The following MYADM variants were observed in gnomAD, a reference collection of about 807,000 sequenced individuals.
MYADM encodes myeloid-associated differentiation marker.
For synonymous variants in MYADM, 224 were observed against 210.2 expected (o/e 1.07, Z -0.57); for missense variants, 416 against 443.4 (o/e 0.94, Z 0.56).
At position 53,874,526 on chromosome 19, in the gene MYADM, C is replaced by G. The variant is rs2068482007; in HGVS notation, c.*28C>G. On this transcript the variant is annotated 3_prime_UTR_variant, in exon 3 of 3. Transcript: ENST00000391770. ...CTCTCCCAAGAGGCTCCCGTTCCCT[C>G]TCCAACCTCTTTGTTCTTCTTGCCC... The G allele has an allele frequency of 6.5e-7, 1 of 1,543,838 alleles. No homozygotes were observed. Among genetic ancestry groups the G allele is most frequent in the Non-Finnish European group, 8.7e-7 (1 of 1,146,660 alleles).
rs116435359 is a variant in MYADM at position 53,870,956 on chromosome 19, C to T, written c.-3+1118C>T. 3.6e-3 allele frequency among the ~76,000 whole-genome samples: 554 copies of T among 152,238 alleles called. 3 individuals are homozygous for T. The highest frequency in any genetic ancestry group is 0.013 in the African/African-American group (527 of 41,544). On this transcript the variant is annotated intron_variant, in intron 2 of 2. Transcript: ENST00000391770. ...TTATAACAGGACGGTGATGGCCAGGCGCAGTGGCTCATGCCTGTAATCCCA... is the reference window on the plus strand; with the variant it reads ...TTATAACAGGACGGTGATGGCCAGGTGCAGTGGCTCATGCCTGTAATCCCA...
chr19:53,866,641 T>G (rs532222054), upstream of MYADM, among the ~76,000 whole-genome samples: 6 of 152,016 alleles, frequency 3.9e-5, no homozygotes, highest in Non-Finnish European at 7.4e-5. This position sits in a 1 kb window ranked among gnomAD's most constrained non-coding sequence, Gnocchi z 4.3. Flanking sequence ...TCTTGCAGGA[T>G]CCGTGAATCC....
Position 53,874,130 on chromosome 19 carries a change from C to T in MYADM, c.601C>T (p.Pro201Ser), listed in dbSNP as rs1367898622. 6.8e-6 allele frequency: 11 copies of T among 1,613,390 alleles called. No homozygotes were observed. Among genetic ancestry groups the T allele is most frequent in the Non-Finnish European group, 9.3e-6 (11 of 1,180,036 alleles). The change falls in exon 3 of 3, where the codon CCG (proline) becomes TCG (serine). Residue 201 changes from proline to serine, a missense_variant. Coordinates refer to ENST00000391770, the MANE Select transcript of MYADM (RefSeq NM_138373.5). ...ISDPNLYQHQ[P>S]ALEWCVAVYA... ...CGACCCCAACCTGTACCAGCACCAGCCGGCCCTGGAGTGGTGCGTGGCGGT... is the reference window on the plus strand; with the variant it reads ...CGACCCCAACCTGTACCAGCACCAGTCGGCCCTGGAGTGGTGCGTGGCGGT...
upstream of MYADM, among the ~76,000 whole-genome samples, chr19:53,867,524 G>A (rs2068262949): frequency 6.6e-6 from 1 of 152,156 alleles, no homozygotes; most frequent in Non-Finnish European, 1.5e-5. Flanking sequence ...CCCTAAACAT[G>A]CGGGGTTTCT....
Position 53,874,751 on chromosome 19 carries a change from G to T in MYADM, c.*253G>T. On this transcript the variant is annotated 3_prime_UTR_variant, in exon 3 of 3. Coordinates refer to ENST00000391770, the MANE Select transcript of MYADM (RefSeq NM_138373.5). ...GCCCACATCCTGTTTTCACCCCTGA[G>T]CTGTTTCTCTTTTTCTTTTCTTTTT... 2.7e-6 allele frequency: 1 copy of T among 366,274 alleles called. No homozygotes were observed. 22.7% of individuals were successfully genotyped at this position (366,274 alleles called of 1,614,324 possible).
Position 53,874,537 on chromosome 19 carries a change from T to G in MYADM, c.*39T>G. On this transcript the variant is annotated 3_prime_UTR_variant, in exon 3 of 3. Transcript: ENST00000391770. ...GGCTCCCGTTCCCTCTCCAACCTCT[T>G]TGTTCTTCTTGCCCGAGTTTTCTTT... 6.6e-7 allele frequency: 1 copy of G among 1,522,784 alleles called. No individual in the cohort carries two copies. The highest frequency in any genetic ancestry group is 8.8e-7 in the Non-Finnish European group (1 of 1,136,322). The allele number at this position is 1,522,784 out of a possible 1,614,324, so 94.3% of individuals were successfully genotyped here.
chr19:53,873,600 T>C lies in MYADM; in HGVS notation c.71T>C (p.Met24Thr), dbSNP rs2122936178. 1 of 1,613,906 alleles carries C rather than the reference T, an allele frequency of 6.2e-7. No homozygotes were observed. The highest frequency in any genetic ancestry group is 1.1e-5 in the South Asian group (1 of 91,080). Residue 24 changes from methionine (M) to threonine (T), a missense_variant, in exon 3 of 3, where the codon ATG (methionine) becomes ACG (threonine). Physicochemically the swap from Met to Thr is moderately conservative, Grantham distance 81. Coordinates refer to ENST00000391770, the MANE Select transcript of MYADM (RefSeq NM_138373.5). The surrounding 1 kb of genome is among the most constrained non-coding windows in gnomAD (Gnocchi z 4.3). ...TCATCTTCGGGCCTGGGGTCCCCCATGATCGTGGGGTCCCCTCGGGCCCTG... is the reference window on the plus strand; with the variant it reads ...TCATCTTCGGGCCTGGGGTCCCCCACGATCGTGGGGTCCCCTCGGGCCCTG... ...TTSSSGLGSP[M>T]IVGSPRALTQ...
chr19:53,869,066 G>C (rs1485000645), intron 1 of MYADM: 7 of 152,302 alleles, frequency 4.6e-5, no homozygotes, highest in Non-Finnish European at 8.8e-5. Context: ...GCAGTGTCTG[G>C]CTCCGGGTGG....
chr19:53,872,517 T>G (rs549257870), intron 2 of MYADM, among the ~76,000 whole-genome samples: 1 of 151,722 alleles, frequency 6.6e-6, no homozygotes, highest in African/African-American at 2.4e-5. Context: ...AAAAAAATTT[T>G]TTTTTTTTGA....
In MYADM at chr19:53,873,970, G is replaced by C; in HGVS notation, c.441G>C (p.Ala147=). 2 of 1,609,872 alleles carry C rather than the reference G, an allele frequency of 1.2e-6. No homozygotes were observed. The highest frequency in any genetic ancestry group is 2.2e-5 in the East Asian group (1 of 44,870). Residue 147 remains alanine (A), a synonymous_variant, in exon 3 of 3, where the codon GCG becomes GCC. Coordinates refer to ENST00000391770, the MANE Select transcript of MYADM (RefSeq NM_138373.5). This position sits in a 1 kb window ranked among gnomAD's most constrained non-coding sequence, Gnocchi z 4.3. The part of the protein sequence containing the change: ...AIAATFFSCI[A]CVAYATEVAW... ...CCGCCACCTTCTTCTCCTGCATCGC[G>C]TGTGTGGCTTACGCCACCGAAGTGG...
chr19:53,868,129 T>G lies in MYADM; in HGVS notation c.-88+186T>G. On this transcript the variant is annotated intron_variant, in intron 1 of 2. Coordinates refer to ENST00000391770, the MANE Select transcript of MYADM (RefSeq NM_138373.5). This position sits in a 1 kb window ranked among gnomAD's most constrained non-coding sequence, Gnocchi z 6.3. ...TGTGGAGGTCATACGTCTGGAAGAG[T>G]GGGGAAGGGGACCTGGACTCCGGGG... 2.9e-5 allele frequency among the ~76,000 whole-genome samples: 4 copies of G among 137,784 alleles called. No homozygotes were observed. Among genetic ancestry groups the G allele is most frequent in the East Asian group, 2.1e-4 (1 of 4,822 alleles). The allele number at this position is 137,784 out of a possible 152,430, so 90.4% of individuals were successfully genotyped here. A position where few individuals can be genotyped will look rare whatever the true frequency, so the allele number is the denominator to read the frequency against.
chr19:53,866,721 A>T (rs1040275701), upstream of MYADM, among the ~76,000 whole-genome samples: 1 of 152,066 alleles, frequency 6.6e-6, no homozygotes, highest in African/African-American at 2.4e-5. The surrounding 1 kb of genome is among the most constrained non-coding windows in gnomAD (Gnocchi z 4.3). Context: ...TCCAGGAGTC[A>T]GGAATGTAGG....
At chr19:53,870,616 G>T (rs1001686005) in intron 2 of MYADM, among the ~76,000 whole-genome samples, 8 of 152,174 alleles carry the variant, frequency 5.3e-5, no homozygotes, top group African/African-American at 1.7e-4. Flanking sequence ...CTGCTGTCCT[G>T]CGACTGCCAC....
rs1332449827 is a variant in MYADM at position 53,876,219 on chromosome 19, T to G, written c.*1721T>G. The G allele has an allele frequency of 6.0e-6, 1 of 165,940 alleles. No individual in the cohort carries two copies. The highest frequency in any genetic ancestry group is 2.4e-5 in the African/African-American group (1 of 41,302). 10.3% of individuals were successfully genotyped at this position (165,940 alleles called of 1,614,324 possible). A position where few individuals can be genotyped will look rare whatever the true frequency, so the allele number is the denominator to read the frequency against. ...GTGTTTCTGTGTGCTAGTTGCTTCT[T>G]GCTGCTGCTTCCTGCTTGTCTGGGA... On this transcript the variant is annotated 3_prime_UTR_variant, in exon 3 of 3. Transcript: ENST00000391770.
intron 2 of MYADM, among the ~76,000 whole-genome samples, chr19:53,870,861 A>AT (rs2068370216): frequency 6.6e-6 from 1 of 152,122 alleles, no homozygotes; most frequent in Non-Finnish European, 1.5e-5. Flanking sequence ...AAAGAAGCAA[A>AT]TTGGTTTTCT....
At position 53,873,069 on chromosome 19, in the gene MYADM, T is replaced by C. The variant is rs111294619; in HGVS notation, c.-2-459T>C. On this transcript the variant is annotated intron_variant, in intron 2 of 2. Transcript: ENST00000391770. This position sits in a 1 kb window ranked among gnomAD's most constrained non-coding sequence, Gnocchi z 4.3. ...AGGCTCATCCCTGTATGCCCAGGAC[T>C]GTCCCCATTTGAAAACCCAAGGCTG... Among the ~76,000 whole-genome samples the C allele has an allele frequency of 4.0e-3, 612 of 152,242 alleles. 7 individuals carry two copies. The highest frequency in any genetic ancestry group is 0.014 in the African/African-American group (573 of 41,570).
chr19:53,873,692 G>A lies in MYADM; in HGVS notation c.163G>A (p.Ala55Thr), dbSNP rs1327672348. 15 of 1,613,958 alleles carry A rather than the reference G, an allele frequency of 9.3e-6. No homozygotes were observed. Among genetic ancestry groups the A allele is most frequent in the Non-Finnish European group, 1.3e-5 (15 of 1,180,024 alleles). ...TACCTGCGTGGCCTTCTCGCTGGTG[G>A]CTAGCGTGGGCGCCTGGACGGGGTC... is the stretch of plus-strand genomic sequence containing the variant. Reference protein sequence around the residue: ...VSTCVAFSLVASVGAWTGSMG... With the variant: ...VSTCVAFSLVTSVGAWTGSMG... Residue 55 changes from alanine (A) to threonine (T), a missense_variant, in exon 3 of 3, where the codon GCT becomes ACT. Transcript: ENST00000391770. The surrounding 1 kb of genome is among the most constrained non-coding windows in gnomAD (Gnocchi z 4.3).
Position 53,868,008 on chromosome 19 carries a change from A to G in MYADM, c.-88+65A>G, listed in dbSNP as rs2068274207. On this transcript the variant is annotated intron_variant, in intron 1 of 2. Coordinates refer to ENST00000391770, the MANE Select transcript of MYADM (RefSeq NM_138373.5). The surrounding 1 kb of genome is among the most constrained non-coding windows in gnomAD (Gnocchi z 6.3). ...TAGGGTCTTTATGGCCAGAGAGAGG[A>G]ATGGGCTGGGTCTCAGAATGTCTGG... is the stretch of plus-strand genomic sequence containing the variant. 6.5e-6 allele frequency: 1 copy of G among 153,016 alleles called. No homozygotes were observed. The highest frequency in any genetic ancestry group is 6.5e-5 in the Admixed American group (1 of 15,294). 9.5% of individuals were successfully genotyped at this position (153,016 alleles called of 1,614,324 possible).
chr19:53,871,146 G>C (rs887847625), intron 2 of MYADM, among the ~76,000 whole-genome samples: 78 of 152,298 alleles, frequency 5.1e-4, no homozygotes, highest in Non-Finnish European at 8.8e-5. Context: ...CAGGAGAATC[G>C]CTTGAATCCG....
Sources: allele counts gnomAD v4.1 joint callset (sites outside exome capture counted in the v4.1 genomes callset), GRCh38; gene constraint gnomAD v4.1.1; non-coding constraint Gnocchi (gnomAD v3.1); transcripts MANE v1.5; gene names NCBI Gene and HGNC (gene_info 2026-07-23, HGNC 2026-07-21).